The following SPRY3 variants were observed in gnomAD, a reference collection of about 807,000 sequenced individuals.
The protein encoded by SPRY3 is protein sprouty homolog 3.
A neutral mutation model predicts 20.2 loss-of-function variants in SPRY3; 15 were observed. The ratio of observed to expected loss-of-function variants is 0.74; its 90% CI spans 0.50 to 1.14. SPRY3 has a LOEUF of 1.14. SPRY3 is among the 50% of genes most tolerant of loss of function. The pLI is 0.00. For synonymous variants in SPRY3, 143 were observed against 136.5 expected (o/e 1.05, Z -0.33); for missense variants, 364 against 363.9 (o/e 1.00, Z 0.00).
chrX:155,623,990 A>C (rs1222452711), intron 1 of SPRY3, among the ~76,000 whole-genome samples: 1 of 112,394 alleles, frequency 8.9e-6, no homozygotes, highest in Non-Finnish European at 1.9e-5. Flanking sequence ...GAGATAGTGA[A>C]TGTAAAGCAC....
intron 2 of SPRY3, among the ~76,000 whole-genome samples, chrX:155,718,530 T>C (rs1423313267): frequency 2.0e-5 from 3 of 152,094 alleles, no homozygotes; most frequent in African/African-American, 7.2e-5. Flanking sequence ...ATGCAATAAA[T>C]ATGGCATATA....
At chrX:155,667,805 A>G (rs1269271588) in intron 2 of SPRY3, among the ~76,000 whole-genome samples, 1 of 111,576 alleles carries the variant, frequency 9.0e-6, no homozygotes, top group Non-Finnish European at 1.9e-5. Context: ...TGGGTCAAAG[A>G]CCTGAGCAGA....
intron 1 of SPRY3, among the ~76,000 whole-genome samples, chrX:155,632,133 C>T (rs914838357): frequency 1.3e-4 from 14 of 108,697 alleles, no homozygotes; most frequent in South Asian, 8.1e-4. Flanking sequence ...TTAGAACTTT[C>T]GTGACATAAT....
exon 4 of SPRY3, chrX:155,776,251 C>G (rs895961985): frequency 6.6e-5 from 11 of 167,096 alleles, no homozygotes; most frequent in African/African-American, 2.2e-4. Flanking sequence ...GCTCTGTCAC[C>G]TTGTAGAAGC....
chrX:155,682,648 G>T (rs1324597664), intron 2 of SPRY3, among the ~76,000 whole-genome samples: 1 of 112,018 alleles, frequency 8.9e-6, no homozygotes, highest in Non-Finnish European at 1.9e-5. Flanking sequence ...AGCCTCCTGA[G>T]TATCTGGGAC....
chrX:155,698,048 A>G (rs753382493), intron 2 of SPRY3, among the ~76,000 whole-genome samples: 8 of 110,896 alleles, frequency 7.2e-5, no homozygotes, highest in African/African-American at 9.8e-5. Context: ...CAATGTCACA[A>G]TTTTTACAAT....
intron 2 of SPRY3, among the ~76,000 whole-genome samples, chrX:155,767,128 C>G (rs1217250420): frequency 1.3e-5 from 2 of 152,014 alleles, no homozygotes; most frequent in African/African-American, 2.4e-5. Context: ...ACAGAGATTC[C>G]TATGGGGAGT....
At chrX:155,688,692 T>A (rs2068094803) in intron 2 of SPRY3, among the ~76,000 whole-genome samples, 1 of 109,971 alleles carries the variant, frequency 9.1e-6, no homozygotes, top group African/African-American at 3.3e-5. Flanking sequence ...TTTTTTAAAT[T>A]GTTTTTTTTT....
At chrX:155,639,305 A>C (rs782769510) in intron 1 of SPRY3, among the ~76,000 whole-genome samples, 48 of 112,333 alleles carry the variant, frequency 4.3e-4, no homozygotes, top group Non-Finnish European at 7.5e-4. Context: ...CAATGTAATA[A>C]ATGCATCAAA....
intron 1 of SPRY3, chrX:155,612,983 C>G (rs782178388): frequency 8.9e-6 from 1 of 112,707 alleles, no homozygotes; most frequent in South Asian, 3.7e-4. Context: ...TCCGGCCGTG[C>G]AGGGTGGGTG....
intron 1 of SPRY3, among the ~76,000 whole-genome samples, chrX:155,627,823 C>G (rs5940546): frequency 0.034 from 3,685 of 108,371 alleles, 64 homozygotes; most frequent in Non-Finnish European, 0.055. Context: ...TCCCACCCCC[C>G]AACAGGCCCG....
chrX:155,767,224 G>A (rs1320879711), intron 2 of SPRY3, among the ~76,000 whole-genome samples: 4 of 151,838 alleles, frequency 2.6e-5, no homozygotes, highest in Non-Finnish European at 4.4e-5. Context: ...AACGACACGC[G>A]GGGGGAGGGG....
Position 155,690,788 on chromosome X carries a change from G to A in SPRY3, c.-282+33763G>A, listed in dbSNP as rs745342871. ...TGATAGTATTAGACAGATCATCAAAGCAGAAAATTAACAAAGACATTTACC... is the reference window on the plus strand; with the variant it reads ...TGATAGTATTAGACAGATCATCAAAACAGAAAATTAACAAAGACATTTACC... On this transcript the variant is annotated intron_variant, in intron 2 of 3. Transcript: ENST00000675360. 3.8e-3 allele frequency among the ~76,000 whole-genome samples: 325 copies of A among 86,576 alleles called. 81 individuals are homozygous for A. Among genetic ancestry groups the A allele is most frequent in the African/African-American group, 0.018 (317 of 17,910 alleles). The allele number at this position is 86,576 out of a possible 115,157, so 75.2% of individuals were successfully genotyped here. A position where few individuals can be genotyped will look rare whatever the true frequency, so the allele number is the denominator to read the frequency against.
At chrX:155,622,782 G>A (rs938834861) in intron 1 of SPRY3, among the ~76,000 whole-genome samples, 1 of 111,834 alleles carries the variant, frequency 8.9e-6, no homozygotes, top group Non-Finnish European at 1.9e-5. Context: ...GAGTCAAGCA[G>A]ACCAACAGAT....
At chrX:155,745,577 C>T (rs1228988826) in intron 2 of SPRY3, among the ~76,000 whole-genome samples, 3 of 152,026 alleles carry the variant, frequency 2.0e-5, no homozygotes, top group African/African-American at 7.2e-5. Flanking sequence ...TCATCCTTGA[C>T]ATGCAGAAAG....
chrX:155,772,315 A>G (rs187488096), intron 3 of SPRY3, among the ~76,000 whole-genome samples: 1 of 152,270 alleles, frequency 6.6e-6, no homozygotes. Flanking sequence ...TGAGTCCTTT[A>G]TGAACTGCAT....
At position 155,773,754 on chromosome X, in the gene SPRY3, C is replaced by G. The variant is rs1386662994; in HGVS notation, c.-106-12C>G. 9 of 1,244,876 alleles carry G rather than the reference C, an allele frequency of 7.2e-6. No homozygotes were observed. The highest frequency in any genetic ancestry group is 2.8e-4 in the Middle Eastern group (1 of 3,572). The allele number at this position is 1,244,876 out of a possible 1,614,324, so 77.1% of individuals were successfully genotyped here. On this transcript the variant is annotated splice_polypyrimidine_tract_variant and intron_variant, in intron 3 of 3. Coordinates refer to ENST00000675360, the Ensembl canonical transcript of SPRY3. Reference sequence around the variant, plus strand: ...GTGTTCTCATTTACTGTTTTTATGCCTTCTCTCCTAGGATTTTCTCATGTG... The same window carrying G: ...GTGTTCTCATTTACTGTTTTTATGCGTTCTCTCCTAGGATTTTCTCATGTG...
chrX:155,754,034 G>T (rs2091274405), intron 2 of SPRY3, among the ~76,000 whole-genome samples: 1 of 151,748 alleles, frequency 6.6e-6, no homozygotes, highest in Non-Finnish European at 1.5e-5. Context: ...CTATTCTGTG[G>T]GTTGCATTTT....
intron 2 of SPRY3, among the ~76,000 whole-genome samples, chrX:155,750,135 G>T (rs1418901175): frequency 6.6e-6 from 1 of 151,852 alleles, no homozygotes; most frequent in African/African-American, 2.4e-5. Flanking sequence ...GCAGCAACAT[G>T]GATGCAGCTA....
Sources: allele counts gnomAD v4.1 joint callset (sites outside exome capture counted in the v4.1 genomes callset), GRCh38; gene constraint gnomAD v4.1.1; transcripts MANE v1.5; gene names NCBI Gene and HGNC (gene_info 2026-07-23, HGNC 2026-07-21).